Variants in NUSAP1 observed in about 807,000 individuals in gnomAD.
The protein encoded by NUSAP1 is nucleolar and spindle associated protein 1.
In NUSAP1, 32 loss-of-function variants were observed where a neutral mutation model predicts 52.8. The observed-to-expected ratio is 0.61, with a 90% CI of 0.46 to 0.81. The LOEUF (loss-of-function observed/expected upper bound fraction) is 0.81, where lower values mean the gene tolerates loss of function less well. Ranked by LOEUF, NUSAP1 falls within the 40% of genes least tolerant of loss-of-function variation. The pLI is 0.00. For missense variants in NUSAP1, 499 were observed against 522.3 expected (o/e 0.96, Z 0.43); for synonymous variants, 195 against 183.1 (o/e 1.06, Z -0.52).
chr15:41,353,742 T>C (rs2048860143), intron 4 of NUSAP1, among the ~76,000 whole-genome samples: 1 of 152,236 alleles, frequency 6.6e-6, no homozygotes, highest in Non-Finnish European at 1.5e-5. Flanking sequence ...CTTATATTTG[T>C]AAGATTAGAC....
At chr15:41,358,579 A>T (rs376171947) in intron 6 of NUSAP1, among the ~76,000 whole-genome samples, 5 of 152,280 alleles carry the variant, frequency 3.3e-5, no homozygotes, top group African/African-American at 1.2e-4. Context: ...TCTACAAAAA[A>T]TACAGAAAAT....
At chr15:41,346,033 ATTC>A (rs2048554882) in intron 2 of NUSAP1, among the ~76,000 whole-genome samples, 1 of 149,358 alleles carries the variant, frequency 6.7e-6, no homozygotes, top group African/African-American at 2.4e-5. Flanking sequence ...AAGGCCTTTT[ATTC>A]TTTTTTTTTT....
intron 4 of NUSAP1, among the ~76,000 whole-genome samples, chr15:41,354,834 C>T (rs1230908428): frequency 1.3e-5 from 2 of 150,994 alleles, no homozygotes; most frequent in East Asian, 3.9e-4. Flanking sequence ...CTGGCTAACA[C>T]GGTGAAACCC....
At chr15:41,372,424 A>G (rs1473738137) in intron 8 of NUSAP1, among the ~76,000 whole-genome samples, 1 of 152,094 alleles carries the variant, frequency 6.6e-6, no homozygotes, top group Non-Finnish European at 1.5e-5. Flanking sequence ...CAGTTTATCT[A>G]TTTTACTATT....
intron 4 of NUSAP1, among the ~76,000 whole-genome samples, chr15:41,355,586 C>T (rs995099049): frequency 2.0e-5 from 3 of 152,078 alleles, no homozygotes; most frequent in African/African-American, 7.2e-5. Flanking sequence ...TTTTTGTGCT[C>T]CCTATGTGCT....
intron 1 of NUSAP1, among the ~76,000 whole-genome samples, chr15:41,336,650 T>G (rs72739625): frequency 5.7e-4 from 50 of 88,320 alleles, no homozygotes; most frequent in Admixed American, 7.5e-4. Context: ...TCCTTTTGGT[T>G]TTTTTTTTTT....
intron 6 of NUSAP1, among the ~76,000 whole-genome samples, chr15:41,364,379 C>T (rs1475534428): frequency 6.6e-6 from 1 of 151,896 alleles, no homozygotes; most frequent in African/African-American, 2.4e-5. Flanking sequence ...AACCCCGTCT[C>T]TACTAAAAAT....
At chr15:41,352,190 C>T (rs888035689) in intron 4 of NUSAP1, among the ~76,000 whole-genome samples, 2 of 152,234 alleles carry the variant, frequency 1.3e-5, no homozygotes, top group South Asian at 2.1e-4. Context: ...GATCCACCCA[C>T]CTCAGCCTCC....
At chr15:41,351,505 G>A (rs752740246) in intron 4 of NUSAP1, among the ~76,000 whole-genome samples, 4 of 152,176 alleles carry the variant, frequency 2.6e-5, no homozygotes, top group East Asian at 1.9e-4. Flanking sequence ...ACCCAAATAG[G>A]CCAAGCATAG....
chr15:41,360,687 C>T lies in NUSAP1; in HGVS notation c.660+2429C>T, dbSNP rs539433366. On this transcript the variant is annotated intron_variant, in intron 6 of 10. Coordinates refer to ENST00000559596, the MANE Select transcript of NUSAP1 (RefSeq NM_016359.5). Reference sequence around the variant, plus strand: ...GGCCAGGCTGGTCTCGATCTCCTGACTTCAGGTGATCCACCCACCTCAGCC... The same window carrying T: ...GGCCAGGCTGGTCTCGATCTCCTGATTTCAGGTGATCCACCCACCTCAGCC... Among the ~76,000 whole-genome samples the T allele has an allele frequency of 4.7e-5, 7 of 150,262 alleles. No homozygotes were observed. In the East Asian group the frequency reaches 1.2e-3, roughly 26 times the overall value.
Position 41,336,648 on chromosome 15 carries a change from G to GTTTTTTTTTT in NUSAP1, c.93+3610_93+3619dup, listed in dbSNP as rs75426159. 3.0e-4 allele frequency among the ~76,000 whole-genome samples: 27 copies of GTTTTTTTTTT among 91,372 alleles called. 2 individuals carry two copies. The highest frequency in any genetic ancestry group is 8.8e-4 in the African/African-American group (22 of 24,942). The allele number at this position is 91,372 out of a possible 152,430, so 59.9% of individuals were successfully genotyped here. A position where few individuals can be genotyped will look rare whatever the true frequency, so the allele number is the denominator to read the frequency against. On this transcript the variant is annotated intron_variant, in intron 1 of 10. Coordinates refer to ENST00000559596, the MANE Select transcript of NUSAP1 (RefSeq NM_016359.5). ...TGGGCATTTGATCCTCCTCCTTTTG[G>GTTTTTTTTTT]TTTTTTTTTTTTTTTTTTTTTGAGA...
intron 1 of NUSAP1, among the ~76,000 whole-genome samples, chr15:41,337,430 C>T (rs1355846380): frequency 6.6e-6 from 1 of 152,176 alleles, no homozygotes; most frequent in Non-Finnish European, 1.5e-5. Context: ...CTCTTGCTTC[C>T]CCTAGGACTA....
chr15:41,361,349 T>C (rs1262422490), intron 6 of NUSAP1, among the ~76,000 whole-genome samples: 2 of 148,308 alleles, frequency 1.3e-5, no homozygotes, highest in African/African-American at 2.5e-5. Flanking sequence ...GCCGAGACCA[T>C]GCCATTGCAC....
intron 8 of NUSAP1, among the ~76,000 whole-genome samples, chr15:41,372,160 G>A (rs1401354327): frequency 6.6e-6 from 1 of 152,098 alleles, no homozygotes; most frequent in Non-Finnish European, 1.5e-5. Flanking sequence ...TGGGGGAAAT[G>A]CCAGAGACAT....
Position 41,380,552 on chromosome 15 carries a change from G to A in NUSAP1, c.*366G>A, listed in dbSNP as rs988323119. On this transcript the variant is annotated 3_prime_UTR_variant, in exon 11 of 11. Coordinates refer to ENST00000559596, the MANE Select transcript of NUSAP1 (RefSeq NM_016359.5). ...AATAGCATTTACCTGATGGCAGCTA[G>A]TTATGCAAGCTTCAGGAGAATTTGA... The A allele has an allele frequency of 5.7e-6, 1 of 174,050 alleles. No individual in the cohort carries two copies. The highest frequency in any genetic ancestry group is 2.4e-5 in the African/African-American group (1 of 41,674). The allele number at this position is 174,050 out of a possible 1,614,324, so 10.8% of individuals were successfully genotyped here. A position where few individuals can be genotyped will look rare whatever the true frequency, so the allele number is the denominator to read the frequency against.
At chr15:41,370,887 A>C (rs1009869837) in intron 7 of NUSAP1, among the ~76,000 whole-genome samples, 1 of 152,082 alleles carries the variant, frequency 6.6e-6, no homozygotes, top group African/African-American at 2.4e-5. Context: ...ATACCACTGC[A>C]TGCCAGCCTG....
At chr15:41,356,935 T>TC (rs1337644925) in intron 5 of NUSAP1, among the ~76,000 whole-genome samples, 1 of 152,216 alleles carries the variant, frequency 6.6e-6, no homozygotes, top group Non-Finnish European at 1.5e-5. Context: ...ATGCTGCTTA[T>TC]CGTATATTCA....
At position 41,342,409 on chromosome 15, in the gene NUSAP1, G is replaced by A. The variant is rs759935203; in HGVS notation, c.117G>A (p.Leu39=). 1.3e-5 allele frequency: 21 copies of A among 1,594,896 alleles called. No individual in the cohort carries two copies. The highest frequency in any genetic ancestry group is 9.0e-5 in the East Asian group (4 of 44,622). The change falls in exon 2 of 11, where the codon TTG becomes TTA. Residue 39 remains leucine, a synonymous_variant. Transcript: ENST00000559596. ...AGGCAACCAAGTTGTTAAAAGCCTTGAAAGGCTACATTAAACATGAGGCAA... is the reference window on the plus strand; with the variant it reads ...AGGCAACCAAGTTGTTAAAAGCCTTAAAAGGCTACATTAAACATGAGGCAA... ...NLRATKLLKA[L]KGYIKHEARK...
At chr15:41,340,732 TC>T (rs1290437839) in intron 1 of NUSAP1, among the ~76,000 whole-genome samples, 1 of 152,080 alleles carries the variant, frequency 6.6e-6, no homozygotes, top group Non-Finnish European at 1.5e-5. Flanking sequence ...ATCATCCCCT[TC>T]CCAGAGAAAA....
Sources: allele counts gnomAD v4.1 joint callset (sites outside exome capture counted in the v4.1 genomes callset), GRCh38; gene constraint gnomAD v4.1.1; transcripts MANE v1.5; gene names NCBI Gene and HGNC (gene_info 2026-07-23, HGNC 2026-07-21).